Variants in FSTL4 observed in about 807,000 individuals in gnomAD.
FSTL4 encodes follistatin like 4, also known as follistatin-related protein 4.
Under a neutral mutation model 78.2 loss-of-function variants are expected in FSTL4, and 28 were observed. The ratio of observed to expected loss-of-function variants is 0.36; its 90% CI spans 0.27 to 0.49. The LOEUF is 0.49. Ranked by LOEUF, FSTL4 falls within the 20% of genes least tolerant of loss-of-function variation. FSTL4 has a pLI of 0.98. For synonymous variants in FSTL4, 422 were observed against 440.5 expected, an observed-to-expected ratio of 0.96 and a Z score of 0.53; for missense variants, 922 against 1,084.9, an observed-to-expected ratio of 0.85 and a Z score of 2.11.
the FSTL4 span, among the ~76,000 whole-genome samples, chr5:133,700,461 G>C: frequency 6.7e-6 from 1 of 150,284 alleles, no homozygotes; most frequent in African/African-American, 2.4e-5. Context: ...ATCACACCAA[G>C]CCACCACACC....
chr5:133,754,077 C>T, the FSTL4 span, among the ~76,000 whole-genome samples: 30,951 of 152,086 alleles, frequency 0.2, 3,427 homozygotes, highest in East Asian at 0.41. Flanking sequence ...CCCCATGTTC[C>T]GCCAACAGTG....
chr5:133,729,133 AG>A, the FSTL4 span, among the ~76,000 whole-genome samples: 4 of 152,154 alleles, frequency 2.6e-5, no homozygotes, highest in Non-Finnish European at 4.4e-5. Flanking sequence ...GAAAGGCAAG[AG>A]GGGTCCTCTT....
intron 2 of FSTL4, 39 bp from the exon 3 acceptor site, chr5:133,567,258 A>C: frequency 6.8e-7 from 1 of 1,461,628 alleles, no homozygotes; most frequent in African/African-American, 1.4e-5. Flanking sequence ...CTGAAGAATA[A>C]TTCATATGTA....
the FSTL4 span, among the ~76,000 whole-genome samples, chr5:133,832,701 A>C: frequency 6.6e-6 from 1 of 152,234 alleles, no homozygotes; most frequent in South Asian, 2.1e-4. Flanking sequence ...TTGACCAACA[A>C]AATGTGAGTA....
At chr5:133,208,779 C>T (rs760543861) in intron 14 of FSTL4, among the ~76,000 whole-genome samples, 36 of 152,132 alleles carry the variant, frequency 2.4e-4, no homozygotes, top group Non-Finnish European at 4.3e-4. Flanking sequence ...AGGGTTCAGG[C>T]GATTCTCCTT....
chr5:133,212,666 A>G (rs1750770858), intron 13 of FSTL4, among the ~76,000 whole-genome samples: 1 of 152,230 alleles, frequency 6.6e-6, no homozygotes, highest in African/African-American at 2.4e-5. Context: ...AGAGTTCCCA[A>G]AGAAGAGGTG....
At chr5:133,350,400 C>T (rs1055025000) in intron 4 of FSTL4, among the ~76,000 whole-genome samples, 11 of 152,246 alleles carry the variant, frequency 7.2e-5, no homozygotes, top group African/African-American at 2.4e-4. Flanking sequence ...CATGAGAACC[C>T]GCTGTTGCAC....
chr5:133,241,256 G>A (rs1751864705), intron 7 of FSTL4, among the ~76,000 whole-genome samples: 1 of 152,202 alleles, frequency 6.6e-6, no homozygotes, highest in Admixed American at 6.5e-5. Context: ...AATGAGTTCT[G>A]TTTTTCCAGC....
upstream of FSTL4, among the ~76,000 whole-genome samples, chr5:133,617,091 G>A (rs1447201941): frequency 6.6e-6 from 1 of 152,072 alleles, no homozygotes; most frequent in Non-Finnish European, 1.5e-5. Flanking sequence ...ATGAGATCAA[G>A]GGGTCGAGAC....
chr5:133,743,461 C>A, the FSTL4 span, among the ~76,000 whole-genome samples: 3 of 152,136 alleles, frequency 2.0e-5, no homozygotes, highest in African/African-American at 7.2e-5. Flanking sequence ...CTGTTTGCTG[C>A]CTTTGTGACT....
intron 3 of FSTL4, among the ~76,000 whole-genome samples, chr5:133,453,609 GGAGAAGGAAATGGAA>G (rs1454877604): frequency 6.6e-6 from 1 of 152,218 alleles, no homozygotes; most frequent in African/African-American, 2.4e-5. Context: ...CTGTCAACTT[GGAGAAGGAAATGGAA>G]GAGAAGGAAC....
At chr5:133,467,116 ATATG>A (rs1333359228) in intron 3 of FSTL4, among the ~76,000 whole-genome samples, 2 of 150,036 alleles carry the variant, frequency 1.3e-5, no homozygotes, top group East Asian at 2.0e-4. Context: ...ATATGTCTGA[ATATG>A]TATGTGGGTG....
At chr5:133,772,347 C>T in the FSTL4 span, among the ~76,000 whole-genome samples, 1 of 152,220 alleles carries the variant, frequency 6.6e-6, no homozygotes, top group East Asian at 1.9e-4. Flanking sequence ...TAAAAATAAA[C>T]CATTTGTGTT....
At chr5:133,754,938 T>C in the FSTL4 span, among the ~76,000 whole-genome samples, 1 of 152,100 alleles carries the variant, frequency 6.6e-6, no homozygotes, top group African/African-American at 2.4e-5. Context: ...GTGTACATTA[T>C]CCCCTCTGTC....
rs889084702 is a variant in FSTL4, at chr5:133,220,676, C to G, written c.1458+72G>C. The G allele has an allele frequency of 6.0e-6, 5 of 837,402 alleles. No individual in the cohort carries two copies. The Admixed American group carries it at 7.1e-5, about 12-fold the overall frequency. 51.9% of individuals were successfully genotyped at this position (837,402 alleles called of 1,614,324 possible). On this transcript the variant is annotated intron_variant, in intron 12 of 15. Coordinates refer to ENST00000265342, the MANE Select transcript of FSTL4 (RefSeq NM_015082.2). ...GGAATTTTAGAAATCAAATGGCATG[C>G]CTGGTTAAAGATAGACTTTTAGGAT...
rs770038281 is a variant in FSTL4, at chr5:133,217,327, C to A, written c.1510G>T (p.Val504Leu). ...CGGTTCCGGACATTGACTGCAGATA[C>A]CCACTGGCAGGGCTGGGTTGCATTT... ...EKNATQPCQW[V>L]SAVNVRNRYI... Residue 504 changes from valine (V) to leucine (L), a missense_variant, in exon 13 of 16, where the codon GTA (valine) becomes TTA (leucine). Transcript: ENST00000265342. The A allele has an allele frequency of 4.2e-5, 67 of 1,613,894 alleles. No individual in the cohort carries two copies. The Admixed American group carries it at 7.7e-4, about 18-fold the overall frequency.
chr5:133,274,322 A>G (rs1270807571), intron 6 of FSTL4, among the ~76,000 whole-genome samples: 1 of 143,418 alleles, frequency 7.0e-6, no homozygotes, highest in African/African-American at 2.5e-5. Context: ...GCCCTTCTCT[A>G]CTTTTGCAAA....
chr5:133,698,514 C>A, the FSTL4 span, among the ~76,000 whole-genome samples: 1 of 152,188 alleles, frequency 6.6e-6, no homozygotes, highest in Non-Finnish European at 1.5e-5. Context: ...ATGATGGAGC[C>A]GTTGTGACTA....
intron 6 of FSTL4, among the ~76,000 whole-genome samples, chr5:133,262,740 G>T (rs1752562346): frequency 1.3e-5 from 2 of 152,172 alleles, no homozygotes; most frequent in African/African-American, 2.4e-5. Context: ...ACAAAACAAA[G>T]AAGCTTCTCC....
Sources: gnomAD v4.1 joint callset for allele counts (sites outside exome capture counted in the v4.1 genomes callset) on GRCh38, gnomAD v4.1.1 for gene constraint, MANE v1.5 for transcripts, NCBI Gene and HGNC (gene_info 2026-07-23, HGNC 2026-07-21) for gene names.